Variants in MYRFL observed in about 807,000 individuals in gnomAD.
MYRFL encodes myelin regulatory factor-like protein.
In MYRFL, 88 loss-of-function variants were observed where a neutral mutation model predicts 109.4. The ratio of observed to expected loss-of-function variants is 0.80; its 90% CI spans 0.68 to 0.96. The LOEUF is 0.96. Ranked by LOEUF, MYRFL falls within the 40% of genes least tolerant of loss-of-function variation. MYRFL has a pLI of 0.00. For missense variants in MYRFL, 957 were observed against 954.9 expected, an observed-to-expected ratio of 1.00 and a Z score of -0.03; for synonymous variants, 324 against 320.9, an observed-to-expected ratio of 1.01 and a Z score of -0.10.
intron 2 of MYRFL, among the ~76,000 whole-genome samples, chr12:69,871,024 G>T (rs533415007): frequency 2.0e-5 from 3 of 151,994 alleles, no homozygotes; most frequent in Non-Finnish European, 4.4e-5. Context: ...CAACTGCCTA[G>T]AGCCTTAAAT....
intron 19 of MYRFL, among the ~76,000 whole-genome samples, chr12:69,947,907 C>T (rs1269536791): frequency 6.6e-6 from 1 of 152,156 alleles, no homozygotes; most frequent in Non-Finnish European, 1.5e-5. Flanking sequence ...GCAATATACA[C>T]CTTCTACCAT....
At chr12:69,886,332 T>C (rs1452637869) in intron 5 of MYRFL, among the ~76,000 whole-genome samples, 5 of 152,156 alleles carry the variant, frequency 3.3e-5, no homozygotes, top group African/African-American at 1.2e-4. Flanking sequence ...CAGCAGCTGT[T>C]GGCGATGTAT....
intron 1 of MYRFL, among the ~76,000 whole-genome samples, chr12:69,829,019 T>C (rs945474902): frequency 6.6e-6 from 1 of 152,046 alleles, no homozygotes; most frequent in African/African-American, 2.4e-5. Flanking sequence ...CCCGCCCAGA[T>C]TGAGCAGAGT....
intron 13 of MYRFL, among the ~76,000 whole-genome samples, chr12:69,921,488 G>A (rs1473901173): frequency 9.2e-5 from 14 of 152,302 alleles, no homozygotes; most frequent in Non-Finnish European, 2.9e-5. Context: ...AAAAACTCTA[G>A]ATTATAGTTT....
chr12:69,942,551 T>C (rs1043332933), intron 19 of MYRFL, among the ~76,000 whole-genome samples: 7 of 145,666 alleles, frequency 4.8e-5, no homozygotes, highest in African/African-American at 1.8e-4. Flanking sequence ...TAATAAGAGC[T>C]ATCTATGACA....
intron 13 of MYRFL, among the ~76,000 whole-genome samples, chr12:69,914,082 AG>A (rs1954660698): frequency 6.6e-6 from 1 of 151,996 alleles, no homozygotes; most frequent in Non-Finnish European, 1.5e-5. Context: ...TTTTTTTCCT[AG>A]TTTTCTTTTC....
In MYRFL at chr12:69,958,437, T is replaced by TCTGA; in HGVS notation, c.2647-6_2647-3dup. 2 of 1,523,824 alleles carry TCTGA rather than the reference T, an allele frequency of 1.3e-6. No individual in the cohort carries two copies. Among genetic ancestry groups the TCTGA allele is most frequent in the Non-Finnish European group, 8.8e-7 (1 of 1,142,856 alleles). The allele number at this position is 1,523,824 out of a possible 1,614,324, so 94.4% of individuals were successfully genotyped here. A position where few individuals can be genotyped will look rare whatever the true frequency, so the allele number is the denominator to read the frequency against. ...ATCTTCCTTTTTTTTTTTCTCCTTT[T>TCTGA]CTGACAGGATTTAGCTGACTGTTCA... On this transcript the variant is annotated splice_region_variant and splice_polypyrimidine_tract_variant and intron_variant, in intron 24 of 24. Coordinates refer to ENST00000552032, the MANE Select transcript of MYRFL (RefSeq NM_182530.3).
At chr12:69,877,027 T>TTTCTTTCTTTC (rs1885715465) in intron 2 of MYRFL, among the ~76,000 whole-genome samples, 30 of 37,178 alleles carry the variant, frequency 8.1e-4, no homozygotes, top group African/African-American at 2.3e-3. Flanking sequence ...TTCTTTCTTT[T>TTTCTTTCTTTC]TTTTTTTTTT....
intron 10 of MYRFL, among the ~76,000 whole-genome samples, chr12:69,897,875 A>G (rs1954050786): frequency 6.6e-6 from 1 of 152,188 alleles, no homozygotes; most frequent in Non-Finnish European, 1.5e-5. Context: ...GGTTCAGCAC[A>G]TTTTGCTGAA....
chr12:69,865,415 C>T (rs951629172), intron 2 of MYRFL, among the ~76,000 whole-genome samples: 4 of 151,988 alleles, frequency 2.6e-5, no homozygotes, highest in African/African-American at 9.7e-5. Context: ...AATGAGAGTC[C>T]CCTTGGAATG....
intron 13 of MYRFL, among the ~76,000 whole-genome samples, chr12:69,923,440 A>G (rs1231480287): frequency 6.6e-6 from 1 of 152,198 alleles, no homozygotes; most frequent in Non-Finnish European, 1.5e-5. Flanking sequence ...AAGAAATAAA[A>G]TATATCAGAA....
chr12:69,901,903 A>ATTTTTTTTTTTTTTTTT (rs1203678206), intron 10 of MYRFL, among the ~76,000 whole-genome samples: 3 of 137,500 alleles, frequency 2.2e-5, no homozygotes, highest in South Asian at 2.3e-4. Flanking sequence ...GTTTTTTTTA[A>ATTTTTTTTTTTTTTTTT]ATTTTCTTGA....
intron 2 of MYRFL, among the ~76,000 whole-genome samples, chr12:69,868,908 G>GCA (rs546998712): frequency 1.3e-5 from 2 of 151,178 alleles, no homozygotes; most frequent in African/African-American, 2.4e-5. Flanking sequence ...ACGCACACGC[G>GCA]CACACACACA....
rs932591671 is a variant in MYRFL at position 69,936,578 on chromosome 12, A to T, written c.2170A>T (p.Ser724Cys). ...PIRGMKEVSSSPVQRQSEEKE... is the reference protein window; with the variant it reads ...PIRGMKEVSSCPVQRQSEEKE... ...CCGGGGAATGAAAGAAGTCTCTTCAAGTCCTGTGCAAAGACAATCTGAGGA... is the reference window on the plus strand; with the variant it reads ...CCGGGGAATGAAAGAAGTCTCTTCATGTCCTGTGCAAAGACAATCTGAGGA... The change falls in exon 19 of 25, where the codon AGT becomes TGT. Residue 724 changes from serine to cysteine, a missense_variant. Coordinates refer to ENST00000552032, the MANE Select transcript of MYRFL (RefSeq NM_182530.3). 9.8e-6 allele frequency: 15 copies of T among 1,536,014 alleles called. No homozygotes were observed. In the African/African-American group the frequency reaches 2.1e-4, roughly 21 times the overall value.
chr12:69,912,487 GC>G (rs1360150178), intron 13 of MYRFL, among the ~76,000 whole-genome samples: 2 of 152,028 alleles, frequency 1.3e-5, no homozygotes, highest in Non-Finnish European at 2.9e-5. Context: ...ACTTTCCCTA[GC>G]CCCTGGCAAC....
chr12:69,863,396 G>C (rs1037943621), intron 2 of MYRFL, among the ~76,000 whole-genome samples: 1 of 152,024 alleles, frequency 6.6e-6, no homozygotes, highest in Admixed American at 6.6e-5. Context: ...CTTTTTGGTT[G>C]GTAAGCTATT....
At chr12:69,866,698 A>C (rs1426890330) in intron 2 of MYRFL, among the ~76,000 whole-genome samples, 1 of 152,128 alleles carries the variant, frequency 6.6e-6, no homozygotes, top group African/African-American at 2.4e-5. Context: ...TGGGCTGCAA[A>C]ATTTCTGAGA....
rs1247897778 is a variant in MYRFL, at chr12:69,942,365, G to C, written c.2224+5733G>C. Among the ~76,000 whole-genome samples the C allele has an allele frequency of 6.4e-5, 9 of 139,896 alleles. No homozygotes were observed. In the East Asian group the frequency reaches 1.8e-3, roughly 29 times the overall value. 91.8% of individuals were successfully genotyped at this position (139,896 alleles called of 152,430 possible). On this transcript the variant is annotated intron_variant, in intron 19 of 24. Transcript: ENST00000552032. ...ATCAAGTGGGCTTCATCCCTGGGAT[G>C]CAAGGCTGGTTCAATATATGCAAAT...
intron 20 of MYRFL, 126 bp downstream of exon 20, chr12:69,952,301 A>G (rs1955997483): frequency 2.5e-6 from 2 of 804,582 alleles, no homozygotes; most frequent in African/African-American, 1.7e-5. Context: ...ACGCATATCC[A>G]TGGGACTGTG....
Sources: gnomAD v4.1 joint callset for allele counts (sites outside exome capture counted in the v4.1 genomes callset) on GRCh38, gnomAD v4.1.1 for gene constraint, MANE v1.5 for transcripts, NCBI Gene and HGNC (gene_info 2026-07-23, HGNC 2026-07-21) for gene names.